Variants in RMDN2 observed in about 807,000 individuals in gnomAD.
The protein encoded by RMDN2 is regulator of microtubule dynamics 2, also known as regulator of microtubule dynamics protein 2.
A neutral mutation model predicts 52.8 loss-of-function variants in RMDN2; 61 were observed. The ratio of observed to expected loss-of-function variants is 1.16; its 90% CI spans 0.94 to 1.43. The LOEUF is 1.43. RMDN2 is among the 40% of genes most tolerant of loss of function. The pLI, the probability that RMDN2 is intolerant of heterozygous loss-of-function variation, is 0.00. For missense variants in RMDN2, 592 were observed against 475.3 expected, an observed-to-expected ratio of 1.25 and a Z score of -2.28; for synonymous variants, 180 against 153.1, an observed-to-expected ratio of 1.18 and a Z score of -1.30.
intron 8 of RMDN2, among the ~76,000 whole-genome samples, chr2:37,999,400 C>G (rs1676012180): frequency 6.6e-6 from 1 of 152,126 alleles, no homozygotes; most frequent in South Asian, 2.1e-4. Context: ...AAGTCCTCAG[C>G]AAAAACTCAC....
At chr2:38,048,272 G>C (rs958918269) in intron 10 of RMDN2, among the ~76,000 whole-genome samples, 1 of 152,172 alleles carries the variant, frequency 6.6e-6, no homozygotes, top group African/African-American at 2.4e-5. Context: ...ATTTCCATTT[G>C]AGTGTATGCA....
At chr2:38,003,168 T>A (rs914467055) in intron 8 of RMDN2, 2 of 152,216 alleles carry the variant, frequency 1.3e-5, no homozygotes, top group African/African-American at 4.8e-5. Flanking sequence ...TTAACTCCTG[T>A]GGAATATGTT....
chr2:37,973,402 A>G (rs1416218619), intron 2 of RMDN2, among the ~76,000 whole-genome samples: 1 of 152,222 alleles, frequency 6.6e-6, no homozygotes, highest in Non-Finnish European at 1.5e-5. Context: ...TGTATCATCC[A>G]TTCAGCAAAT....
intron 10 of RMDN2, among the ~76,000 whole-genome samples, chr2:38,062,994 T>C (rs163083): frequency 0.7 from 106,427 of 151,840 alleles, 38,234 homozygotes; most frequent in African/African-American, 0.81. Flanking sequence ...ATATGTGCCA[T>C]ATTTTCTTAA....
chr2:38,039,093 C>G (rs59324051), intron 10 of RMDN2, among the ~76,000 whole-genome samples: 39,673 of 91,598 alleles, frequency 0.43, 7,585 homozygotes, highest in East Asian at 0.84. Flanking sequence ...CACACACACA[C>G]AGAGAGAGAG....
intron 10 of RMDN2, among the ~76,000 whole-genome samples, chr2:38,052,763 C>T (rs1681677031): frequency 6.6e-6 from 1 of 152,074 alleles, no homozygotes; most frequent in South Asian, 2.1e-4. Flanking sequence ...GGCCATTATC[C>T]TCAAACTTAC....
At chr2:37,975,813 C>T (rs1318938515) in intron 4 of RMDN2, among the ~76,000 whole-genome samples, 1 of 152,104 alleles carries the variant, frequency 6.6e-6, no homozygotes, top group African/African-American at 2.4e-5. Context: ...AAAAAATGTA[C>T]ACTCTCAGAA....
At chr2:37,975,444 A>C (rs1162909137) in intron 4 of RMDN2, 130 bp downstream of exon 4, 24 of 555,776 alleles carry the variant, frequency 4.3e-5, no homozygotes, top group South Asian at 4.3e-4. Flanking sequence ...ATTCTCAGCA[A>C]ACTAACACAA....
At chr2:37,926,286 C>A (rs1379149447) in intron 1 of RMDN2, among the ~76,000 whole-genome samples, 2 of 152,152 alleles carry the variant, frequency 1.3e-5, no homozygotes, top group African/African-American at 2.4e-5. Flanking sequence ...ATTTCTACAT[C>A]AAAAAATTAA....
intron 10 of RMDN2, among the ~76,000 whole-genome samples, chr2:38,012,166 A>G (rs1422406102): frequency 6.6e-6 from 1 of 151,960 alleles, no homozygotes; most frequent in Non-Finnish European, 1.5e-5. Context: ...ACTTCCTGAA[A>G]CACTCCTACC....
chr2:37,930,589 A>G (rs867253490), intron 2 of RMDN2, among the ~76,000 whole-genome samples: 7 of 152,180 alleles, frequency 4.6e-5, no homozygotes, highest in African/African-American at 7.2e-5. Context: ...CACGAGGGAC[A>G]TGGCTTCTCA....
chr2:38,042,528 T>A (rs1245483801), intron 10 of RMDN2, among the ~76,000 whole-genome samples: 3 of 152,090 alleles, frequency 2.0e-5, no homozygotes, highest in Admixed American at 1.3e-4. Context: ...CTCTAATTTT[T>A]TTTTTCTGCT....
chr2:38,042,961 T>A (rs78935770), intron 10 of RMDN2, among the ~76,000 whole-genome samples: 2 of 151,916 alleles, frequency 1.3e-5, no homozygotes, highest in Non-Finnish European at 2.9e-5. Flanking sequence ...TAGAGAATAA[T>A]GTGTATTCTG....
chr2:37,975,544 A>G (rs1457593067), intron 4 of RMDN2, among the ~76,000 whole-genome samples: 10 of 151,858 alleles, frequency 6.6e-5, no homozygotes, highest in Admixed American at 4.6e-4. Flanking sequence ...ACATCACACA[A>G]CAGGGCCTGT....
chr2:37,947,267 T>C (rs1668298018), intron 2 of RMDN2, among the ~76,000 whole-genome samples: 4 of 152,266 alleles, frequency 2.6e-5, no homozygotes, highest in Admixed American at 1.3e-4. Flanking sequence ...CATTATTTAG[T>C]TCCTACTTAT....
downstream of RMDN2, among the ~76,000 whole-genome samples, chr2:38,019,053 T>G (rs573149467): frequency 6.6e-6 from 1 of 152,352 alleles, no homozygotes; most frequent in African/African-American, 2.4e-5. Context: ...TGGTCTAATG[T>G]TGAAACTCTT....
At chr2:37,949,339 A>G (rs369744497) in intron 2 of RMDN2, among the ~76,000 whole-genome samples, 22 of 152,206 alleles carry the variant, frequency 1.4e-4, no homozygotes, top group African/African-American at 5.3e-4. Context: ...TACTTGCTAT[A>G]GAAGTGGTAG....
chr2:37,999,463 C>T (rs556495292), intron 8 of RMDN2, among the ~76,000 whole-genome samples: 4 of 152,266 alleles, frequency 2.6e-5, no homozygotes, highest in African/African-American at 7.2e-5. Flanking sequence ...TCTTGGGGAG[C>T]CCCGCATTAG....
At chr2:37,950,393 A>C in intron 2 of RMDN2, 1 of 1,557,634 alleles carries the variant, frequency 6.4e-7, no homozygotes, top group Non-Finnish European at 8.8e-7. Flanking sequence ...GAACAGTTCT[A>C]ATATAAACTG....
Sources: allele counts gnomAD v4.1 joint callset (sites outside exome capture counted in the v4.1 genomes callset), GRCh38; gene constraint gnomAD v4.1.1; transcripts MANE v1.5; gene names NCBI Gene and HGNC (gene_info 2026-07-23, HGNC 2026-07-21).